The following GRIN3A variants were observed in gnomAD, a reference collection of about 807,000 sequenced individuals.
The protein encoded by GRIN3A is glutamate ionotropic receptor NMDA type subunit 3A.
In GRIN3A, 47 loss-of-function variants were observed where a neutral mutation model predicts 92.4. That is an observed-to-expected ratio of 0.51 (90% confidence interval 0.40 to 0.65). GRIN3A has a LOEUF of 0.65. Ranked by LOEUF, GRIN3A falls within the 30% of genes least tolerant of loss-of-function variation. The probability of loss-of-function intolerance (pLI) is 0.00; values close to 1 mark genes in which losing one functional copy is unlikely to be tolerated. For synonymous variants in GRIN3A, 527 were observed against 540.6 expected, an observed-to-expected ratio of 0.97 and a Z score of 0.35; for missense variants, 1,324 against 1,393.1, an observed-to-expected ratio of 0.95 and a Z score of 0.79.
intron 2 of GRIN3A, among the ~76,000 whole-genome samples, chr9:101,682,914 G>A (rs960491754): frequency 7.2e-5 from 11 of 152,206 alleles, no homozygotes; most frequent in African/African-American, 2.2e-4. Flanking sequence ...CCAGGGAGGC[G>A]GAGCTTGCAG....
At chr9:101,657,204 A>G (rs1298591422) in intron 3 of GRIN3A, among the ~76,000 whole-genome samples, 5 of 151,918 alleles carry the variant, frequency 3.3e-5, no homozygotes, top group Non-Finnish European at 7.4e-5. Context: ...TGATATCTTT[A>G]TATTCTAGTG....
Position 101,670,643 on chromosome 9 carries a change from T to C in GRIN3A, c.1769A>G (p.Asp590Gly). The C allele has an allele frequency of 6.2e-7, 1 of 1,613,960 alleles. No homozygotes were observed. The highest frequency in any genetic ancestry group is 8.5e-7 in the Non-Finnish European group (1 of 1,179,876). Residue 590 changes from aspartate (D) to glycine (G), a missense_variant, in exon 3 of 9, where the codon GAC becomes GGC. Asp to Gly is a moderately conservative substitution (Grantham distance 94). Coordinates refer to ENST00000361820, the MANE Select transcript of GRIN3A (RefSeq NM_133445.3). Reference protein sequence around the residue: ...CIDLLEKIAEDMNFDFDLYIV... With the variant: ...CIDLLEKIAEGMNFDFDLYIV... Reference sequence around the variant, plus strand: ...ATAGAGGTCGAAGTCAAAGTTCATGTCTTCTGCTATCTTTTCCAGCAGATC... The same window carrying C: ...ATAGAGGTCGAAGTCAAAGTTCATGCCTTCTGCTATCTTTTCCAGCAGATC...
In GRIN3A at chr9:101,686,590, T is replaced by A. The variant is rs370708661; in HGVS notation, c.1304+6A>T. ...ATGGGGATATAACCGAGACCTTGCA[T>A]CCTACCTTGATAAATATTGTCCTGA... is the stretch of plus-strand genomic sequence containing the variant. On this transcript the variant is annotated splice_donor_region_variant and intron_variant, in intron 2 of 8. Coordinates refer to ENST00000361820, the MANE Select transcript of GRIN3A (RefSeq NM_133445.3). 6.2e-7 allele frequency: 1 copy of A among 1,614,164 alleles called. No individual in the cohort carries two copies. Among genetic ancestry groups the A allele is most frequent in the Non-Finnish European group, 8.5e-7 (1 of 1,180,016 alleles).
intron 2 of GRIN3A, 121 bp downstream of exon 2, chr9:101,686,475 A>T (rs887478490): frequency 9.0e-7 from 1 of 1,108,530 alleles, no homozygotes; most frequent in Non-Finnish European, 1.4e-6. Context: ...ATCCTCTAAG[A>T]AATATTATTA....
At chr9:101,646,186 A>G (rs1437044486) in intron 3 of GRIN3A, among the ~76,000 whole-genome samples, 1 of 151,760 alleles carries the variant, frequency 6.6e-6, no homozygotes. Context: ...GTTTTTTTCT[A>G]GTAGTTTCAT....
At chr9:101,612,966 T>A (rs1298697425) in intron 6 of GRIN3A, among the ~76,000 whole-genome samples, 3 of 152,242 alleles carry the variant, frequency 2.0e-5, no homozygotes, top group Non-Finnish European at 2.9e-5. Context: ...TGGTAACCAC[T>A]GGTAAGTTAG....
chr9:101,730,650 C>G (rs1398430809), intron 1 of GRIN3A, among the ~76,000 whole-genome samples: 2 of 152,006 alleles, frequency 1.3e-5, no homozygotes, highest in Non-Finnish European at 2.9e-5. Flanking sequence ...ATCTCATTTA[C>G]ATTATAATGG....
intron 1 of GRIN3A, among the ~76,000 whole-genome samples, chr9:101,729,331 G>C (rs1830113534): frequency 6.6e-6 from 1 of 152,152 alleles, no homozygotes; most frequent in African/African-American, 2.4e-5. Context: ...GTCATAGTCT[G>C]AAATATGTTT....
At chr9:101,598,748 CT>C (rs1828173541) in intron 6 of GRIN3A, among the ~76,000 whole-genome samples, 1 of 152,210 alleles carries the variant, frequency 6.6e-6, no homozygotes, top group African/African-American at 2.4e-5. Flanking sequence ...TTTAACAACA[CT>C]CCTCATGTAG....
chr9:101,670,435 G>A lies in GRIN3A; in HGVS notation c.1977C>T (p.Thr659=), dbSNP rs763221924. The change falls in exon 3 of 9, where the codon ACC becomes ACT. Residue 659 remains threonine (T), a synonymous_variant. Transcript: ENST00000361820. ...FSTSLGILVR[T]RDTAAPIGAF... Reference sequence around the variant, plus strand: ...CTCCAATGGGAGCTGCTGTATCTCGGGTCCTCACTAAGATGCCCAAGCTGG... The same window carrying A: ...CTCCAATGGGAGCTGCTGTATCTCGAGTCCTCACTAAGATGCCCAAGCTGG... The A allele has an allele frequency of 1.6e-5, 26 of 1,613,840 alleles. No individual in the cohort carries two copies. The highest frequency in any genetic ancestry group is 3.3e-5 in the Admixed American group (2 of 59,946).
Position 101,651,636 on chromosome 9 carries a change from T to TTGTGTGTGTG in GRIN3A, c.2352+18414_2352+18423dup, listed in dbSNP as rs57126529. Among the ~76,000 whole-genome samples the TTGTGTGTGTG allele has an allele frequency of 1.7e-3, 245 of 146,048 alleles. 1 individual carries two copies. Among genetic ancestry groups the TTGTGTGTGTG allele is most frequent in the African/African-American group, 4.3e-3 (172 of 39,714 alleles). On this transcript the variant is annotated intron_variant, in intron 3 of 8. Transcript: ENST00000361820. The stretch of plus-strand genomic sequence containing the variant: ...TCTGAAGATGTATGCAATAAATCCA[T>TTGTGTGTGTG]TGTGTGTGTGTGTGTGTGTGTGTGT...
intron 3 of GRIN3A, among the ~76,000 whole-genome samples, chr9:101,654,878 C>T (rs1009193233): frequency 6.6e-5 from 10 of 151,654 alleles, no homozygotes; most frequent in East Asian, 1.9e-4. Context: ...TTGGAAATGG[C>T]GGGTAGGGAT....
At chr9:101,661,346 C>T (rs1298706465) in intron 3 of GRIN3A, among the ~76,000 whole-genome samples, 1 of 151,724 alleles carries the variant, frequency 6.6e-6, no homozygotes, top group Admixed American at 6.6e-5. Flanking sequence ...ATAAATATTT[C>T]CTTAATTATA....
intron 6 of GRIN3A, among the ~76,000 whole-genome samples, chr9:101,579,872 T>C (rs1404400029): frequency 6.6e-6 from 1 of 152,204 alleles, no homozygotes; most frequent in Non-Finnish European, 1.5e-5. Flanking sequence ...AGTTTCAGTG[T>C]GACAGCTCAC....
At chr9:101,599,004 T>G (rs1179844075) in intron 6 of GRIN3A, among the ~76,000 whole-genome samples, 2 of 152,150 alleles carry the variant, frequency 1.3e-5, no homozygotes, top group Non-Finnish European at 2.9e-5. Context: ...TTTCCCTATG[T>G]GAGTGTGTGG....
chr9:101,600,658 C>T (rs1446958861), intron 6 of GRIN3A, among the ~76,000 whole-genome samples: 1 of 151,996 alleles, frequency 6.6e-6, no homozygotes, highest in Non-Finnish European at 1.5e-5. Context: ...TGCAAAGAGG[C>T]CCTAGGGCAG....
chr9:101,610,533 G>A (rs1442414564), intron 6 of GRIN3A, among the ~76,000 whole-genome samples: 2 of 152,032 alleles, frequency 1.3e-5, no homozygotes, highest in African/African-American at 4.8e-5. Context: ...AGGATAATCA[G>A]AAGTAAATTT....
intron 1 of GRIN3A, among the ~76,000 whole-genome samples, chr9:101,720,469 C>A (rs958633717): frequency 6.6e-6 from 1 of 152,120 alleles, no homozygotes; most frequent in Non-Finnish European, 1.5e-5. Flanking sequence ...TGGTTCTCCT[C>A]CCGACTCCAT....
At chr9:101,731,152 A>T (rs1171349507) in intron 1 of GRIN3A, among the ~76,000 whole-genome samples, 2 of 152,140 alleles carry the variant, frequency 1.3e-5, no homozygotes, top group South Asian at 4.1e-4. Context: ...TAATAGTCCA[A>T]CCTGGAAGTA....
Sources: gnomAD v4.1 joint callset for allele counts (sites outside exome capture counted in the v4.1 genomes callset) on GRCh38, gnomAD v4.1.1 for gene constraint, MANE v1.5 for transcripts, NCBI Gene and HGNC (gene_info 2026-07-23, HGNC 2026-07-21) for gene names.